CSMD3: variants seen among roughly 807,000 people sequenced by gnomAD.
CSMD3 encodes the protein CUB and Sushi multiple domains 3, also known as CUB and sushi domain-containing protein 3.
A neutral mutation model predicts 435.2 loss-of-function variants in CSMD3; 177 were observed. The observed-to-expected ratio is 0.41, with a 90% confidence interval of 0.36 to 0.46. The LOEUF (loss-of-function observed/expected upper bound fraction) is 0.46. Among genes scored for constraint, CSMD3 ranks in the 20% least tolerant of loss-of-function variants. The pLI is 0.34. For synonymous variants in CSMD3, 1,656 were observed against 1,520.5 expected (o/e 1.09, Z -2.07); for missense variants, 4,265 against 4,504.6 (o/e 0.95, Z 1.52).
intron 1 of CSMD3, 117 bp downstream of exon 1, chr8:113,436,560 T>TCTG (rs2130146272): frequency 2.0e-6 from 2 of 984,234 alleles, no homozygotes; most frequent in Non-Finnish European, 3.3e-6. Context: ...ATCAACTCCT[T>TCTG]TAGTATTATC....
At chr8:112,261,084 T>A (rs562065781) in intron 61 of CSMD3, among the ~76,000 whole-genome samples, 1 of 152,102 alleles carries the variant, frequency 6.6e-6, no homozygotes, top group South Asian at 2.1e-4. Context: ...AACTTGTTAA[T>A]ATCTCTCTGA....
At chr8:112,609,302 A>C (rs1326411349) in intron 22 of CSMD3, among the ~76,000 whole-genome samples, 3 of 150,890 alleles carry the variant, frequency 2.0e-5, no homozygotes, top group Non-Finnish European at 4.4e-5. Flanking sequence ...CAAGAAACTC[A>C]TATTATTTTA....
At chr8:112,590,507 C>T (rs1831092897) in intron 22 of CSMD3, among the ~76,000 whole-genome samples, 1 of 151,946 alleles carries the variant, frequency 6.6e-6, no homozygotes, top group South Asian at 2.1e-4. Context: ...TATGAAAAAG[C>T]TTTCTTTGTG....
At chr8:112,241,181 T>C (rs893394052) in intron 66 of CSMD3, among the ~76,000 whole-genome samples, 1 of 151,990 alleles carries the variant, frequency 6.6e-6, no homozygotes, top group African/African-American at 2.4e-5. Flanking sequence ...GATTCAGATA[T>C]ATAAAATAAT....
chr8:112,273,549 C>A (rs1817726110), intron 59 of CSMD3, among the ~76,000 whole-genome samples: 1 of 151,720 alleles, frequency 6.6e-6, no homozygotes, highest in African/African-American at 2.4e-5. Flanking sequence ...CACGGTGAAA[C>A]CCCGTCTCTA....
chr8:113,004,250 A>G (rs2085973308), intron 6 of CSMD3, among the ~76,000 whole-genome samples: 1 of 152,060 alleles, frequency 6.6e-6, no homozygotes, highest in African/African-American at 2.4e-5. Flanking sequence ...ATTTTGGCCC[A>G]CAGCCCTACT....
intron 27 of CSMD3, among the ~76,000 whole-genome samples, chr8:112,522,416 T>C (rs796451517): frequency 2.0e-5 from 3 of 152,054 alleles, no homozygotes; most frequent in African/African-American, 7.2e-5. Flanking sequence ...TCTTCTTCAC[T>C]GATCTAAATC....
intron 1 of CSMD3, among the ~76,000 whole-genome samples, chr8:113,411,600 A>G (rs1387643320): frequency 6.6e-6 from 1 of 152,182 alleles, no homozygotes; most frequent in East Asian, 1.9e-4. Flanking sequence ...GATTTTCTCA[A>G]AATGAGGACC....
intron 27 of CSMD3, among the ~76,000 whole-genome samples, chr8:112,542,282 A>T (rs1285310398): frequency 6.6e-6 from 1 of 151,232 alleles, no homozygotes; most frequent in Admixed American, 6.6e-5. Context: ...ACTCCTATTC[A>T]GCATAGTACT....
chr8:113,129,756 C>T (rs1387166943), intron 4 of CSMD3, among the ~76,000 whole-genome samples: 4 of 151,846 alleles, frequency 2.6e-5, no homozygotes, highest in African/African-American at 9.7e-5. Context: ...ATAAAATTAG[C>T]CAATTCAAAT....
chr8:113,037,027 A>C (rs1192252864), intron 5 of CSMD3, among the ~76,000 whole-genome samples: 1 of 152,116 alleles, frequency 6.6e-6, no homozygotes, highest in African/African-American at 2.4e-5. Context: ...TTTTTTATTT[A>C]ATTCCAGAAA....
intron 2 of CSMD3, chr8:113,310,732 T>C (rs949888192): frequency 1.3e-5 from 2 of 151,926 alleles, no homozygotes; most frequent in African/African-American, 2.4e-5. Context: ...ATTAGTAATA[T>C]AAAGAATATT....
intron 24 of CSMD3, among the ~76,000 whole-genome samples, chr8:112,570,829 AT>A (rs1466724047): frequency 6.6e-6 from 1 of 152,076 alleles, no homozygotes; most frequent in Admixed American, 6.6e-5. Flanking sequence ...GGCTATAAAC[AT>A]TTTGTTTACA....
chr8:112,476,220 A>G (rs1819037128), intron 31 of CSMD3, among the ~76,000 whole-genome samples: 1 of 151,906 alleles, frequency 6.6e-6, no homozygotes, highest in Non-Finnish European at 1.5e-5. Context: ...TAATTTTTGT[A>G]TTATTAGTAG....
chr8:112,961,005 C>G (rs1047945913), intron 7 of CSMD3, among the ~76,000 whole-genome samples: 4 of 151,598 alleles, frequency 2.6e-5, no homozygotes, highest in Non-Finnish European at 4.4e-5. Context: ...GTGTAAATAT[C>G]AAATGTATGT....
At position 113,210,045 on chromosome 8, in the gene CSMD3, T is replaced by C. The variant is rs867968343; in HGVS notation, c.515-36129A>G. 2.9e-5 allele frequency among the ~76,000 whole-genome samples: 3 copies of C among 103,466 alleles called. No homozygotes were observed. The South Asian group carries it at 8.9e-4, about 31-fold the overall frequency. The allele number at this position is 103,466 out of a possible 152,430, so 67.9% of individuals were successfully genotyped here. On this transcript the variant is annotated intron_variant, in intron 3 of 70. Coordinates refer to ENST00000297405, the MANE Select transcript of CSMD3 (RefSeq NM_198123.2). Reference sequence around the variant, plus strand: ...GTGTGTGTGTGTGTGTGTGTGTGTGTGATACACAGTGTTTTCTAATTTTAA... The same window carrying C: ...GTGTGTGTGTGTGTGTGTGTGTGTGCGATACACAGTGTTTTCTAATTTTAA...
chr8:113,076,777 T>C (rs2089355716), intron 5 of CSMD3, among the ~76,000 whole-genome samples: 1 of 152,108 alleles, frequency 6.6e-6, no homozygotes, highest in South Asian at 2.1e-4. Flanking sequence ...GTTACAATAA[T>C]GTAGGCAATA....
At chr8:112,972,595 T>G (rs182828283) in intron 7 of CSMD3, among the ~76,000 whole-genome samples, 1 of 151,940 alleles carries the variant, frequency 6.6e-6, no homozygotes, top group African/African-American at 2.4e-5. Flanking sequence ...GTATTATAAC[T>G]GTGACAAAAT....
intron 4 of CSMD3, among the ~76,000 whole-genome samples, chr8:113,161,776 T>A (rs954022571): frequency 6.6e-6 from 1 of 152,202 alleles, no homozygotes. Flanking sequence ...TTGTTCAAAA[T>A]ATCTTTGAAA....
Sources: allele counts gnomAD v4.1 joint callset (sites outside exome capture counted in the v4.1 genomes callset), GRCh38; gene constraint gnomAD v4.1.1; transcripts MANE v1.5; gene names NCBI Gene and HGNC (gene_info 2026-07-23, HGNC 2026-07-21).